The following DGKI variants were observed in gnomAD, a reference collection of about 807,000 sequenced individuals.
The protein encoded by DGKI is diacylglycerol kinase iota, also known as DAG kinase iota.
DGKI carries 55 observed loss-of-function variants against 147.5 expected under a neutral mutation model. The ratio of observed to expected loss-of-function variants is 0.37; its 90% CI spans 0.30 to 0.47. The LOEUF (loss-of-function observed/expected upper bound fraction) is 0.47, where lower values mean the gene tolerates loss of function less well. DGKI is among the 20% of genes least tolerant of loss of function. DGKI has a pLI of 1.00. For missense variants in DGKI, 1,007 were observed against 1,323.8 expected (o/e 0.76, Z 3.71); for synonymous variants, 469 against 477.1 (o/e 0.98, Z 0.22).
chr7:137,832,232 C>T (rs892708688), intron 1 of DGKI, among the ~76,000 whole-genome samples: 60 of 152,216 alleles, frequency 3.9e-4, no homozygotes, highest in African/African-American at 1.3e-3. Context: ...ATAGGTGGTG[C>T]CCCAGGAGGG....
intron 20 of DGKI, among the ~76,000 whole-genome samples, chr7:137,524,867 G>T (rs1218300974): frequency 1.3e-5 from 2 of 152,124 alleles, no homozygotes; most frequent in Admixed American, 6.6e-5. Flanking sequence ...AATGGGAAAT[G>T]AGATTTGGAG....
chr7:137,521,789 T>C, intron 21 of DGKI, 77 bp downstream of exon 21: 1 of 1,012,852 alleles, frequency 9.9e-7, no homozygotes, highest in Non-Finnish European at 1.5e-6. Context: ...TAAATGAATC[T>C]ACCCATCAAA....
chr7:137,483,754 T>C (rs1400637392), intron 23 of DGKI, among the ~76,000 whole-genome samples: 2 of 152,128 alleles, frequency 1.3e-5, no homozygotes, highest in Non-Finnish European at 2.9e-5. Context: ...GCTCCATCCA[T>C]GTCAGTGCAA....
At chr7:137,458,711 T>C (rs1407169837) in intron 27 of DGKI, among the ~76,000 whole-genome samples, 2 of 152,178 alleles carry the variant, frequency 1.3e-5, no homozygotes, top group Non-Finnish European at 2.9e-5. Context: ...AATTCTTCCT[T>C]ACAACTCAAA....
Position 137,398,711 on chromosome 7 carries a change from T to C in DGKI, c.2921-1298A>G, listed in dbSNP as rs377374160. On this transcript the variant is annotated intron_variant, in intron 30 of 32. Transcript: ENST00000614521. ...GGTCATCCAAATCATCTTGACCTCT[T>C]CTCTTTCACACCTGCTATTCACTGG... is the stretch of plus-strand genomic sequence containing the variant. Among the ~76,000 whole-genome samples the C allele has an allele frequency of 3.2e-4, 48 of 152,068 alleles. No individual in the cohort carries two copies. The South Asian group carries it at 9.3e-3, about 30-fold the overall frequency.
intron 27 of DGKI, among the ~76,000 whole-genome samples, chr7:137,449,879 A>G (rs1813883205): frequency 6.6e-6 from 1 of 152,224 alleles, no homozygotes; most frequent in African/African-American, 2.4e-5. Context: ...TATGGAATCA[A>G]CCTAAGTGTC....
chr7:137,381,347 G>A lies in DGKI; in HGVS notation c.*9873C>T, dbSNP rs1234550290. ...GTATTATCTGAATCCTCCTTTACCT[G>A]GAAATAAAACTTTAATCTTTCTACT... On this transcript the variant is annotated 3_prime_UTR_variant, in exon 33 of 33. Coordinates refer to ENST00000614521, the MANE Select transcript of DGKI (RefSeq NM_001321708.2). The A allele has an allele frequency of 8.3e-6, 1 of 120,142 alleles. No homozygotes were observed. The highest frequency in any genetic ancestry group is 1.2e-4 in the Admixed American group (1 of 8,094). 7.4% of individuals were successfully genotyped at this position (120,142 alleles called of 1,614,324 possible).
chr7:137,766,763 GGTAAACGTGAGTCT>G (rs950313255), intron 1 of DGKI, among the ~76,000 whole-genome samples: 7 of 152,096 alleles, frequency 4.6e-5, no homozygotes, highest in African/African-American at 1.2e-4. Flanking sequence ...GTGGTGCATG[GGTAAACGTGAGTCT>G]GAAAAGAGAG....
intron 1 of DGKI, among the ~76,000 whole-genome samples, chr7:137,725,250 G>T (rs1243136841): frequency 6.6e-6 from 1 of 152,144 alleles, no homozygotes. Flanking sequence ...ACCTACGGGA[G>T]AAGTGATAAA....
At chr7:137,768,407 T>C (rs1177224179) in intron 1 of DGKI, among the ~76,000 whole-genome samples, 2 of 152,300 alleles carry the variant, frequency 1.3e-5, no homozygotes, top group Non-Finnish European at 2.9e-5. Flanking sequence ...ACTTCATTTT[T>C]AGAATCATTT....
At chr7:137,524,313 G>A (rs576309108) in intron 20 of DGKI, among the ~76,000 whole-genome samples, 21 of 152,100 alleles carry the variant, frequency 1.4e-4, no homozygotes, top group Admixed American at 3.9e-4. Flanking sequence ...ATGGAGACAC[G>A]TCCAACAAGC....
chr7:137,617,283 A>C (rs1023826426), intron 8 of DGKI, among the ~76,000 whole-genome samples: 1 of 152,106 alleles, frequency 6.6e-6, no homozygotes, highest in Admixed American at 6.6e-5. Flanking sequence ...CTATGGGTAA[A>C]GTGACCCAAT....
chr7:137,506,909 T>C (rs1374035026), intron 21 of DGKI, among the ~76,000 whole-genome samples: 1 of 152,182 alleles, frequency 6.6e-6, no homozygotes, highest in Non-Finnish European at 1.5e-5. Context: ...TAAAGACAAG[T>C]GGGATCTTTC....
intron 1 of DGKI, among the ~76,000 whole-genome samples, chr7:137,731,267 A>T (rs944896059): frequency 8.5e-5 from 13 of 152,072 alleles, no homozygotes; most frequent in Non-Finnish European, 1.6e-4. Flanking sequence ...TGTGTTTTCC[A>T]AAGGGCTTAT....
chr7:137,606,331 A>T (rs1286320745), intron 10 of DGKI, among the ~76,000 whole-genome samples: 3 of 152,164 alleles, frequency 2.0e-5, no homozygotes, highest in African/African-American at 7.2e-5. Context: ...AGAAAAAAAA[A>T]GTCTAAAGCC....
intron 1 of DGKI, among the ~76,000 whole-genome samples, chr7:137,815,199 C>T (rs559335014): frequency 8.5e-5 from 13 of 152,292 alleles, no homozygotes; most frequent in Non-Finnish European, 1.5e-4. Context: ...CCCCCTCCTT[C>T]GTCCTGGAGC....
At chr7:137,472,365 TA>T (rs376393731) in intron 23 of DGKI, among the ~76,000 whole-genome samples, 52 of 4,490 alleles carry the variant, frequency 0.012, 6 homozygotes, top group African/African-American at 0.022. Flanking sequence ...TATATATACA[TA>T]TAATTATTAT....
chr7:137,548,815 T>C (rs926019070), intron 20 of DGKI, among the ~76,000 whole-genome samples: 1 of 151,778 alleles, frequency 6.6e-6, no homozygotes, highest in Non-Finnish European at 1.5e-5. Context: ...CAAAAATACA[T>C]CTGGGCATGG....
chr7:137,613,527 T>C lies in DGKI; in HGVS notation c.994-3918A>G, dbSNP rs1006852921. 2.6e-5 allele frequency among the ~76,000 whole-genome samples: 4 copies of C among 152,152 alleles called. No homozygotes were observed. In the East Asian group the frequency reaches 7.7e-4, roughly 29 times the overall value. The stretch of plus-strand genomic sequence containing the variant: ...CTAATTTACAGGATATTATTGGTCG[T>C]TGCACAAAATTAGCTATTACATTTC... On this transcript the variant is annotated intron_variant, in intron 8 of 32. Transcript: ENST00000614521.
Sources: gnomAD v4.1 joint callset for allele counts (sites outside exome capture counted in the v4.1 genomes callset) on GRCh38, gnomAD v4.1.1 for gene constraint, MANE v1.5 for transcripts, NCBI Gene and HGNC (gene_info 2026-07-23, HGNC 2026-07-21) for gene names.